LINGO2: variants seen among roughly 807,000 people sequenced by gnomAD.
LINGO2 encodes the protein leucine rich repeat and Ig domain containing 2, also known as leucine-rich repeat and immunoglobulin-like domain-containing nogo receptor-interacting protein 2.
LINGO2 carries 14 observed loss-of-function variants against 30.6 expected under a neutral mutation model. That is an observed-to-expected ratio of 0.46 (90% CI 0.30 to 0.72). LINGO2 has a LOEUF of 0.72. LINGO2 is among the 30% of genes least tolerant of loss of function. The pLI, the probability that LINGO2 is intolerant of heterozygous loss-of-function variation, is 0.07. For missense variants in LINGO2, 729 were observed against 751.7 expected (o/e 0.97, Z 0.35); for synonymous variants, 317 against 288.5 (o/e 1.10, Z -1.00).
chr9:27,993,767 CT>C (rs1821514343), intron 5 of LINGO2, among the ~76,000 whole-genome samples: 1 of 151,964 alleles, frequency 6.6e-6, no homozygotes. Flanking sequence ...ACATTTACCC[CT>C]AGTACCTAGT....
In LINGO2 at chr9:28,632,784, T is replaced by C. The variant is rs974838796; in HGVS notation, c.-365+37416A>G. ...TATAGATTTATATATTATATATCGA[T>C]TTATATTATATAGATTTATATAGAT... On this transcript the variant is annotated intron_variant, in intron 1 of 5. Coordinates refer to ENST00000379992, the Ensembl canonical transcript of LINGO2. 8.7e-5 allele frequency among the ~76,000 whole-genome samples: 10 copies of C among 114,334 alleles called. No homozygotes were observed. In the South Asian group the frequency reaches 2.9e-3, roughly 33 times the overall value. The allele number at this position is 114,334 out of a possible 152,430, so 75.0% of individuals were successfully genotyped here.
At chr9:28,886,257 G>T in the LINGO2 span, among the ~76,000 whole-genome samples, 1 of 152,042 alleles carries the variant, frequency 6.6e-6, no homozygotes, top group Non-Finnish European at 1.5e-5. Context: ...ATATTTGAAA[G>T]ACATTATTGG....
intron 1 of LINGO2, among the ~76,000 whole-genome samples, chr9:28,604,858 T>C (rs1460300146): frequency 6.6e-6 from 1 of 152,036 alleles, no homozygotes; most frequent in Non-Finnish European, 1.5e-5. Flanking sequence ...TTTTTAGTAG[T>C]ATCAGATGCC....
intron 5 of LINGO2, among the ~76,000 whole-genome samples, chr9:27,970,231 A>G (rs1432126206): frequency 6.6e-6 from 1 of 152,132 alleles, no homozygotes; most frequent in South Asian, 2.1e-4. Context: ...AGACTGTCTT[A>G]GTCAAAGGAG....
At chr9:27,990,602 C>T (rs1160005479) in intron 5 of LINGO2, among the ~76,000 whole-genome samples, 1 of 151,748 alleles carries the variant, frequency 6.6e-6, no homozygotes, top group Non-Finnish European at 1.5e-5. Flanking sequence ...TGTATTATAT[C>T]AAAATGAGTC....
intron 5 of LINGO2, among the ~76,000 whole-genome samples, chr9:27,961,469 A>G (rs772966761): frequency 6.6e-6 from 1 of 152,164 alleles, no homozygotes; most frequent in African/African-American, 2.4e-5. Context: ...ACACTCTGCA[A>G]TTGGGGACAC....
chr9:29,186,551 C>T, the LINGO2 span, among the ~76,000 whole-genome samples: 1 of 151,966 alleles, frequency 6.6e-6, no homozygotes, highest in Non-Finnish European at 1.5e-5. Flanking sequence ...CAGAAAATTG[C>T]TGTTCTTCTG....
chr9:28,579,788 A>G (rs1039059302), intron 1 of LINGO2, among the ~76,000 whole-genome samples: 2 of 152,102 alleles, frequency 1.3e-5, no homozygotes, highest in African/African-American at 4.8e-5. Flanking sequence ...CTTTTCCAGA[A>G]ATAATGATGA....
chr9:28,602,092 C>G (rs1022225935), intron 1 of LINGO2, among the ~76,000 whole-genome samples: 1 of 152,028 alleles, frequency 6.6e-6, no homozygotes, highest in Non-Finnish European at 1.5e-5. Context: ...AACAAGGAGG[C>G]TAAGAAACCA....
intron 5 of LINGO2, among the ~76,000 whole-genome samples, chr9:27,993,419 T>A (rs1025304309): frequency 1.3e-5 from 2 of 149,198 alleles, no homozygotes; most frequent in East Asian, 3.9e-4. Context: ...ATGCCTGTAA[T>A]CCCAACATAT....
intron 3 of LINGO2, among the ~76,000 whole-genome samples, chr9:28,360,817 C>T (rs982534526): frequency 2.0e-5 from 3 of 152,136 alleles, no homozygotes; most frequent in African/African-American, 7.2e-5. Flanking sequence ...TACTGGCCAG[C>T]ACTTCTCTTC....
chr9:28,200,657 T>C (rs1159203114), intron 4 of LINGO2, among the ~76,000 whole-genome samples: 1 of 152,204 alleles, frequency 6.6e-6, no homozygotes, highest in Non-Finnish European at 1.5e-5. Context: ...TTTAGTTGTT[T>C]TGTAAAGTTG....
the LINGO2 span, among the ~76,000 whole-genome samples, chr9:28,984,440 C>A: frequency 1.3e-5 from 2 of 151,898 alleles, no homozygotes; most frequent in Non-Finnish European, 2.9e-5. Flanking sequence ...TTTCTTACCT[C>A]CCTCTTTTGA....
intron 4 of LINGO2, among the ~76,000 whole-genome samples, chr9:28,051,065 C>A (rs1412720522): frequency 6.6e-6 from 1 of 150,804 alleles, no homozygotes; most frequent in Non-Finnish European, 1.5e-5. Flanking sequence ...TAGCTAACTC[C>A]TTTCTCCAAG....
chr9:28,941,896 G>A, the LINGO2 span, among the ~76,000 whole-genome samples: 1 of 152,150 alleles, frequency 6.6e-6, no homozygotes, highest in Admixed American at 6.5e-5. Flanking sequence ...ACAACAGGAA[G>A]ATAAAGACAG....
At chr9:28,847,995 G>A in the LINGO2 span, among the ~76,000 whole-genome samples, 36,539 of 79,324 alleles carry the variant, frequency 0.46, 8,991 homozygotes, top group Middle Eastern at 0.53. Context: ...ATATGTATAT[G>A]TACATATATA....
chr9:29,041,155 T>G, the LINGO2 span, among the ~76,000 whole-genome samples: 8 of 152,166 alleles, frequency 5.3e-5, no homozygotes, highest in South Asian at 1.7e-3. Flanking sequence ...GTGTTCACTC[T>G]TGCTTGCAAT....
the LINGO2 span, among the ~76,000 whole-genome samples, chr9:28,994,021 A>T: frequency 8.6e-5 from 13 of 151,656 alleles, no homozygotes; most frequent in Admixed American, 2.0e-4. Flanking sequence ...TGGCCAGGGC[A>T]ATTAGGCAGG....
chr9:28,538,969 A>G (rs1821557927), intron 1 of LINGO2, among the ~76,000 whole-genome samples: 1 of 152,104 alleles, frequency 6.6e-6, no homozygotes, highest in Admixed American at 6.6e-5. Context: ...AAATCCATAT[A>G]TATTAATAGT....
Sources: allele counts gnomAD v4.1 joint callset (sites outside exome capture counted in the v4.1 genomes callset), GRCh38; gene constraint gnomAD v4.1.1; transcripts MANE v1.5; gene names NCBI Gene and HGNC (gene_info 2026-07-23, HGNC 2026-07-21).